The following FRMD4B variants were observed in gnomAD, a reference collection of about 807,000 sequenced individuals.
The protein encoded by FRMD4B is FERM domain-containing protein 4B.
Under a neutral mutation model 141.5 loss-of-function variants are expected in FRMD4B, and 74 were observed. The observed-to-expected ratio is 0.52, with a 90% CI of 0.43 to 0.63. FRMD4B has a LOEUF of 0.63. Ranked by LOEUF, FRMD4B falls within the 30% of genes least tolerant of loss-of-function variation. The pLI, the probability that FRMD4B is intolerant of heterozygous loss-of-function variation, is 0.00. For synonymous variants in FRMD4B, 506 were observed against 467.9 expected, an observed-to-expected ratio of 1.08 and a Z score of -1.05; for missense variants, 1,366 against 1,253.4, an observed-to-expected ratio of 1.09 and a Z score of -1.36.
At chr3:69,256,385 T>C (rs2093493282) in intron 5 of FRMD4B, among the ~76,000 whole-genome samples, 1 of 152,228 alleles carries the variant, frequency 6.6e-6, no homozygotes, top group Admixed American at 6.5e-5. Context: ...AGTGGCATAA[T>C]TTCAGCTCAC....
intron 1 of FRMD4B, among the ~76,000 whole-genome samples, chr3:69,521,551 T>C (rs1250735587): frequency 1.3e-5 from 2 of 152,190 alleles, no homozygotes; most frequent in Non-Finnish European, 2.9e-5. Flanking sequence ...TCATGTCCCC[T>C]CTCTGCTTAA....
intron 1 of FRMD4B, among the ~76,000 whole-genome samples, chr3:69,439,617 C>A (rs1048443749): frequency 2.0e-5 from 3 of 152,094 alleles, no homozygotes; most frequent in Non-Finnish European, 4.4e-5. Context: ...ATTTCTGTCC[C>A]GAAGTAGAAT....
intron 7 of FRMD4B, among the ~76,000 whole-genome samples, chr3:69,235,153 T>A (rs2093336640): frequency 4.1e-5 from 2 of 49,086 alleles, no homozygotes; most frequent in South Asian, 8.2e-4. Context: ...CTGTCTCAAA[T>A]AATAATAATA....
At chr3:69,348,448 A>G (rs1334041092) in intron 1 of FRMD4B, among the ~76,000 whole-genome samples, 2 of 152,358 alleles carry the variant, frequency 1.3e-5, no homozygotes, top group East Asian at 1.9e-4. Context: ...TATTCCAATC[A>G]ATAGAAAAAG....
chr3:69,313,521 C>T lies in FRMD4B; in HGVS notation c.163-4G>A, dbSNP rs1295026506. On this transcript the variant is annotated splice_region_variant and splice_polypyrimidine_tract_variant and intron_variant, in intron 1 of 22. Coordinates refer to ENST00000398540, the MANE Select transcript of FRMD4B (RefSeq NM_015123.3). ...GGCAGTGCCTGCCTTCTGTCATCTG[C>T]AGGAACAAGACAGCAAGAGTGGTGT... 6.4e-7 allele frequency: 1 copy of T among 1,559,380 alleles called. No homozygotes were observed.
At chr3:69,234,401 C>G (rs1190540716) in intron 7 of FRMD4B, among the ~76,000 whole-genome samples, 1 of 152,186 alleles carries the variant, frequency 6.6e-6, no homozygotes, top group Non-Finnish European at 1.5e-5. Flanking sequence ...TTACTATTAA[C>G]AAACACCAAT....
rs540273818 is a variant in FRMD4B at position 69,385,580 on chromosome 3, T to A, written c.162+248A>T. 2.0e-5 allele frequency among the ~76,000 whole-genome samples: 3 copies of A among 152,244 alleles called. No homozygotes were observed. The South Asian group carries it at 6.2e-4, about 32-fold the overall frequency. ...AGTCAAGCGCCCGCCAGTACACCAT[T>A]GCTCTGTAACAGATGTCTGCAAACG... On this transcript the variant is annotated intron_variant, in intron 1 of 22. Transcript: ENST00000398540.
chr3:69,324,142 A>T (rs1479983965), intron 1 of FRMD4B, among the ~76,000 whole-genome samples: 1 of 152,234 alleles, frequency 6.6e-6, no homozygotes, highest in Non-Finnish European at 1.5e-5. Flanking sequence ...TTGGGCAGTC[A>T]GGATGGAATT....
chr3:69,347,532 C>A (rs929360736), intron 1 of FRMD4B, among the ~76,000 whole-genome samples: 2 of 152,198 alleles, frequency 1.3e-5, no homozygotes, highest in Admixed American at 6.5e-5. Context: ...AATATACATT[C>A]TTCTCAGCAC....
intron 1 of FRMD4B, among the ~76,000 whole-genome samples, chr3:69,372,902 T>C (rs539769614): frequency 9.8e-5 from 15 of 152,290 alleles, no homozygotes; most frequent in African/African-American, 3.6e-4. Context: ...GGCACAGACA[T>C]GGAGTAACTT....
At chr3:69,234,738 G>C (rs2093333146) in intron 7 of FRMD4B, among the ~76,000 whole-genome samples, 1 of 152,154 alleles carries the variant, frequency 6.6e-6, no homozygotes. Flanking sequence ...TTTCTGGAAA[G>C]GCAAATCTCA....
chr3:69,205,889 T>G (rs923359559), intron 11 of FRMD4B, among the ~76,000 whole-genome samples: 1 of 152,232 alleles, frequency 6.6e-6, no homozygotes, highest in Non-Finnish European at 1.5e-5. Flanking sequence ...TTCTTTCAAC[T>G]ATGCCTGTTC....
chr3:69,518,319 A>G (rs1045207425), intron 1 of FRMD4B, among the ~76,000 whole-genome samples: 2 of 152,184 alleles, frequency 1.3e-5, no homozygotes, highest in African/African-American at 4.8e-5. Context: ...TAGCTGATCA[A>G]TCATCATTCA....
At chr3:69,370,680 C>T (rs185719616) in intron 1 of FRMD4B, among the ~76,000 whole-genome samples, 31 of 152,336 alleles carry the variant, frequency 2.0e-4, no homozygotes, top group African/African-American at 7.2e-4. Flanking sequence ...GGAATGCAAA[C>T]GTTGCCTTCG....
chr3:69,349,486 A>G (rs1703061242), intron 1 of FRMD4B, among the ~76,000 whole-genome samples: 1 of 152,214 alleles, frequency 6.6e-6, no homozygotes, highest in South Asian at 2.1e-4. Context: ...TAAAGTTCAT[A>G]TAGAACCAAA....
intron 1 of FRMD4B, among the ~76,000 whole-genome samples, chr3:69,366,976 A>G (rs886496825): frequency 1.3e-5 from 2 of 152,142 alleles, no homozygotes; most frequent in Non-Finnish European, 2.9e-5. Flanking sequence ...CATGTTGCCC[A>G]GGCTGGTCGT....
In FRMD4B at chr3:69,221,948, A is replaced by T. The variant is rs554090612; in HGVS notation, c.666-25T>A. ...ACTGTAAAACAAAGAAATGAGAAGG[A>T]TTGCAATGCATGATTATCTGAGGTA... is the stretch of plus-strand genomic sequence containing the variant. On this transcript the variant is annotated intron_variant, in intron 8 of 22. Coordinates refer to ENST00000398540, the MANE Select transcript of FRMD4B (RefSeq NM_015123.3). The T allele has an allele frequency of 1.2e-4, 140 of 1,176,122 alleles. 1 individual carries two copies. The East Asian group carries it at 2.6e-3, about 22-fold the overall frequency. The allele number at this position is 1,176,122 out of a possible 1,614,324, so 72.9% of individuals were successfully genotyped here. A position where few individuals can be genotyped will look rare whatever the true frequency, so the allele number is the denominator to read the frequency against.
intron 1 of FRMD4B, among the ~76,000 whole-genome samples, chr3:69,434,950 G>A (rs1318585969): frequency 6.6e-6 from 1 of 152,088 alleles, no homozygotes; most frequent in African/African-American, 2.4e-5. Context: ...TCTCTCCTTG[G>A]CTTGCAGATG....
At chr3:69,483,762 TAAAATCAACAGAAATAAA>T (rs1706169206) in intron 1 of FRMD4B, among the ~76,000 whole-genome samples, 1 of 152,226 alleles carries the variant, frequency 6.6e-6, no homozygotes, top group South Asian at 2.1e-4. Flanking sequence ...TAGTTATTTT[TAAAATCAACAGAAATAAA>T]ATGGAAGACT....
Sources: gnomAD v4.1 joint callset for allele counts (sites outside exome capture counted in the v4.1 genomes callset) on GRCh38, gnomAD v4.1.1 for gene constraint, MANE v1.5 for transcripts, NCBI Gene and HGNC (gene_info 2026-07-23, HGNC 2026-07-21) for gene names.